Variants in CWH43 observed in about 807,000 individuals in gnomAD.
The protein encoded by CWH43 is cell wall biogenesis 43 C-terminal homolog, also known as PGAP2-interacting protein.
CWH43 carries 91 observed loss-of-function variants against 85.7 expected under a neutral mutation model. The observed-to-expected ratio is 1.06, with a 90% CI of 0.90 to 1.26. The LOEUF is 1.26. CWH43 is among the 50% of genes most tolerant of loss of function. The pLI is 0.00. For missense variants in CWH43, 869 were observed against 839.2 expected (o/e 1.04, Z -0.44); for synonymous variants, 323 against 293.6 (o/e 1.10, Z -1.02).
rs368038070 is a variant in CWH43 at position 48,992,047 on chromosome 4, A to G, written c.468A>G (p.Ile156Met). The G allele has an allele frequency of 6.2e-6, 10 of 1,613,952 alleles. No individual in the cohort carries two copies. Among genetic ancestry groups the G allele is most frequent in the Non-Finnish European group, 7.6e-6 (9 of 1,179,936 alleles). The change falls in exon 4 of 16, where the codon ATA becomes ATG. Residue 156 changes from isoleucine to methionine, a missense_variant. Around this residue, in one of 3 missense-constraint regions of CWH43, gnomAD observed 152 missense variants for 203.6 expected, o/e 0.75. Transcript: ENST00000226432. This position sits in a 1 kb window ranked among gnomAD's most constrained non-coding sequence, Gnocchi z 4.3. ...GTTATCAGATGTCCAACAAAGTGAT[A>G]CTGACATTAAGTGCCATAGCCACAC... Reference protein sequence around the residue: ...IWSYQMSNKVILTLSAIATLD... With the variant: ...IWSYQMSNKVMLTLSAIATLD...
At chr4:49,026,846 CAT>C (rs1333156360) in intron 9 of CWH43, among the ~76,000 whole-genome samples, 2 of 152,174 alleles carry the variant, frequency 1.3e-5, no homozygotes. Context: ...CTGCTGTAAA[CAT>C]GTGTGTCCAA....
In CWH43 at chr4:49,034,669, T is replaced by C. The variant is rs576310516; in HGVS notation, c.1658+1954T>C. Among the ~76,000 whole-genome samples, 19 of 152,286 alleles carry C rather than the reference T, an allele frequency of 1.2e-4. No individual in the cohort carries two copies. In the South Asian group the frequency reaches 3.5e-3, roughly 28 times the overall value. The stretch of plus-strand genomic sequence containing the variant: ...AATGAAGGCAGTGTAATTTAATGAT[T>C]AAGAGCATGGGATTCCAGAACCTGG... On this transcript the variant is annotated intron_variant, in intron 12 of 15. Coordinates refer to ENST00000226432, the MANE Select transcript of CWH43 (RefSeq NM_025087.3).
intron 2 of CWH43, among the ~76,000 whole-genome samples, chr4:48,991,088 G>C (rs1421497661): frequency 6.6e-6 from 1 of 152,168 alleles, no homozygotes; most frequent in Non-Finnish European, 1.5e-5. Context: ...AATTCGCAGA[G>C]ACAGAAAATA....
chr4:49,009,858 T>C (rs1464447649), intron 8 of CWH43, among the ~76,000 whole-genome samples: 1 of 152,194 alleles, frequency 6.6e-6, no homozygotes, highest in African/African-American at 2.4e-5. Context: ...CTTTTTGATG[T>C]GCTGCTGGAT....
chr4:49,000,886 G>A (rs1049320429), intron 6 of CWH43, among the ~76,000 whole-genome samples: 1 of 152,156 alleles, frequency 6.6e-6, no homozygotes, highest in African/African-American at 2.4e-5. Context: ...GCTTGCAGTA[G>A]AAGAAAGCAG....
intron 8 of CWH43, among the ~76,000 whole-genome samples, chr4:49,012,253 C>G (rs995419432): frequency 6.6e-6 from 1 of 152,186 alleles, no homozygotes; most frequent in African/African-American, 2.4e-5. Context: ...CCTCCTTCCA[C>G]TTGATCAAAT....
intron 15 of CWH43, among the ~76,000 whole-genome samples, chr4:49,053,687 C>T (rs998261182): frequency 6.6e-6 from 1 of 151,982 alleles, no homozygotes; most frequent in South Asian, 2.1e-4. Flanking sequence ...GGATATTAGC[C>T]GTTTATCATA....
intron 14 of CWH43, among the ~76,000 whole-genome samples, chr4:49,046,731 G>A (rs1245007874): frequency 6.6e-6 from 1 of 152,128 alleles, no homozygotes; most frequent in Admixed American, 6.6e-5. Flanking sequence ...CGGGGTAAGA[G>A]CAAGGAGGCC....
chr4:49,026,840 T>C (rs1783931547), intron 9 of CWH43, among the ~76,000 whole-genome samples: 1 of 152,248 alleles, frequency 6.6e-6, no homozygotes, highest in Non-Finnish European at 1.5e-5. Flanking sequence ...ATTGTGCTGC[T>C]GTAAACATGT....
intron 9 of CWH43, among the ~76,000 whole-genome samples, chr4:49,018,242 A>T (rs1052143892): frequency 6.6e-6 from 1 of 152,076 alleles, no homozygotes; most frequent in African/African-American, 2.4e-5. Flanking sequence ...TTTATTAGAG[A>T]ACAGTACCGA....
At chr4:49,019,118 T>A (rs1783655627) in intron 9 of CWH43, among the ~76,000 whole-genome samples, 1 of 152,210 alleles carries the variant, frequency 6.6e-6, no homozygotes, top group Non-Finnish European at 1.5e-5. Flanking sequence ...GTGATACAGA[T>A]ATAAACAAGT....
At chr4:49,006,546 T>G (rs2109765480) in intron 7 of CWH43, among the ~76,000 whole-genome samples, 1 of 152,362 alleles carries the variant, frequency 6.6e-6, no homozygotes, top group South Asian at 2.1e-4. Context: ...TACTTGACAT[T>G]TCTTAAATGC....
At chr4:49,020,751 T>A (rs1476444151) in intron 9 of CWH43, among the ~76,000 whole-genome samples, 2 of 152,180 alleles carry the variant, frequency 1.3e-5, no homozygotes, top group African/African-American at 4.8e-5. Context: ...ATGGCCATTC[T>A]TGCAGGAGTA....
chr4:49,007,254 C>A lies in CWH43; in HGVS notation c.1114C>A (p.Leu372Ile), dbSNP rs1455799659. The A allele has an allele frequency of 1.2e-6, 2 of 1,611,684 alleles. No individual in the cohort carries two copies. The highest frequency in any genetic ancestry group is 1.7e-6 in the Non-Finnish European group (2 of 1,178,842). Reference protein sequence around the residue: ...LNMLFGPKKNLDLLLQTKNSS... With the variant: ...LNMLFGPKKNIDLLLQTKNSS... ...TATGCTATTTGGTCCTAAGAAAAACCTTGACTTGCTTCTTCAAACAAAAAA... is the reference window on the plus strand; with the variant it reads ...TATGCTATTTGGTCCTAAGAAAAACATTGACTTGCTTCTTCAAACAAAAAA... The change falls in exon 8 of 16, where the codon CTT (leucine) becomes ATT (isoleucine). Residue 372 changes from leucine to isoleucine, a missense_variant. Physicochemically the swap from Leu to Ile is conservative, Grantham distance 5. Around this residue, in one of 3 missense-constraint regions of CWH43, gnomAD observed 577 missense variants for 513.1 expected, o/e 1.12. Coordinates refer to ENST00000226432, the MANE Select transcript of CWH43 (RefSeq NM_025087.3).
At chr4:49,008,761 G>T (rs1783250805) in intron 8 of CWH43, among the ~76,000 whole-genome samples, 1 of 152,096 alleles carries the variant, frequency 6.6e-6, no homozygotes, top group African/African-American at 2.4e-5. Context: ...TTTTTGTCAG[G>T]TTTGTCAAAG....
At position 49,003,731 on chromosome 4, in the gene CWH43, A is replaced by G; in HGVS notation, c.803-4A>G. The stretch of plus-strand genomic sequence containing the variant: ...TGTCTGATTCTTTTCTCTCTCACAA[A>G]CAGGAACAGCTTCAGCTGCGGGGCT... On this transcript the variant is annotated splice_region_variant and splice_polypyrimidine_tract_variant and intron_variant, in intron 6 of 15. Transcript: ENST00000226432. 1 of 1,613,482 alleles carries G rather than the reference A, an allele frequency of 6.2e-7. No homozygotes were observed. The highest frequency in any genetic ancestry group is 8.5e-7 in the Non-Finnish European group (1 of 1,179,758).
At position 48,986,342 on chromosome 4, in the gene CWH43, G is replaced by T; in HGVS notation, c.-88G>T. On this transcript the variant is annotated 5_prime_UTR_variant, in exon 1 of 16. Coordinates refer to ENST00000226432, the MANE Select transcript of CWH43 (RefSeq NM_025087.3). ...GGCGCGGACGCAGGCCCGGGAGGAC[G>T]CGGCGGCGGGAACCTGGGGGCGCAG... The T allele has an allele frequency of 1.5e-6, 2 of 1,302,488 alleles. No individual in the cohort carries two copies. Among genetic ancestry groups the T allele is most frequent in the Non-Finnish European group, 2.1e-6 (2 of 948,126 alleles). 80.7% of individuals were successfully genotyped at this position (1,302,488 alleles called of 1,614,324 possible). A position where few individuals can be genotyped will look rare whatever the true frequency, so the allele number is the denominator to read the frequency against.
chr4:49,045,071 A>G (rs1241878654), intron 14 of CWH43, among the ~76,000 whole-genome samples: 1 of 152,200 alleles, frequency 6.6e-6, no homozygotes, highest in Non-Finnish European at 1.5e-5. Flanking sequence ...ATTAAGTTTA[A>G]TTATATAAGA....
At chr4:49,033,693 C>G (rs1235497672) in intron 12 of CWH43, among the ~76,000 whole-genome samples, 1 of 152,136 alleles carries the variant, frequency 6.6e-6, no homozygotes, top group East Asian at 1.9e-4. Flanking sequence ...CATTTACAAC[C>G]AGTGACAGTA....
Sources: allele counts gnomAD v4.1 joint callset (sites outside exome capture counted in the v4.1 genomes callset), GRCh38; gene constraint gnomAD v4.1.1; regional missense constraint gnomAD v4.1.1; non-coding constraint Gnocchi (gnomAD v3.1); transcripts MANE v1.5; gene names NCBI Gene and HGNC (gene_info 2026-07-23, HGNC 2026-07-21).